The following STPG2 variants were observed in gnomAD, a reference collection of about 807,000 sequenced individuals.
STPG2 encodes the protein sperm-tail PG-rich repeat-containing protein 2.
In STPG2, 56 loss-of-function variants were observed where a neutral mutation model predicts 54.2. The ratio of observed to expected loss-of-function variants is 1.03; its 90% confidence interval spans 0.83 to 1.29. STPG2 has a LOEUF of 1.29. Ranked by LOEUF, STPG2 falls within the 50% of genes most tolerant of loss-of-function variation. The pLI is 0.00. For synonymous variants in STPG2, 200 were observed against 181.8 expected (o/e 1.10, Z -0.81); for missense variants, 596 against 544.9 (o/e 1.09, Z -0.93).
intron 10 of STPG2, among the ~76,000 whole-genome samples, chr4:97,559,414 C>G (rs1410781372): frequency 6.6e-6 from 1 of 152,122 alleles, no homozygotes; most frequent in African/African-American, 2.4e-5. Flanking sequence ...TGTCTAGGCC[C>G]ACACATGTAG....
intron 9 of STPG2, among the ~76,000 whole-genome samples, chr4:97,787,258 G>C (rs1004258202): frequency 1.3e-5 from 2 of 152,068 alleles, no homozygotes; most frequent in Non-Finnish European, 2.9e-5. Context: ...AATGGTGAGA[G>C]TGGGCATTCC....
chr4:97,889,519 T>C (rs1465122521), intron 8 of STPG2, among the ~76,000 whole-genome samples: 1 of 152,168 alleles, frequency 6.6e-6, no homozygotes, highest in South Asian at 2.1e-4. Flanking sequence ...CACAGAAACA[T>C]GGATGAATCT....
chr4:98,047,408 C>G (rs1312299393), intron 5 of STPG2, among the ~76,000 whole-genome samples: 1 of 152,118 alleles, frequency 6.6e-6, no homozygotes, highest in Non-Finnish European at 1.5e-5. Context: ...AAGTTAGAAA[C>G]CTGACCCACA....
intron 5 of STPG2, among the ~76,000 whole-genome samples, chr4:98,028,649 A>G (rs1326085470): frequency 1.3e-5 from 2 of 152,202 alleles, no homozygotes; most frequent in East Asian, 3.9e-4. Flanking sequence ...ACCTCATTTA[A>G]TAGTTCCTTG....
At chr4:97,802,477 T>C (rs1371990000) in intron 9 of STPG2, among the ~76,000 whole-genome samples, 1 of 152,028 alleles carries the variant, frequency 6.6e-6, no homozygotes, top group East Asian at 1.9e-4. Context: ...TGAAGTTAAA[T>C]ATATATATTT....
intron 4 of STPG2, among the ~76,000 whole-genome samples, chr4:97,481,669 A>G (rs534581245): frequency 5.3e-5 from 8 of 151,764 alleles, no homozygotes; most frequent in African/African-American, 1.9e-4. Context: ...ATTTAGAAAC[A>G]CTATTAATTT....
intron 9 of STPG2, among the ~76,000 whole-genome samples, chr4:97,721,100 C>A (rs1052065167): frequency 3.9e-5 from 6 of 152,036 alleles, no homozygotes; most frequent in Non-Finnish European, 8.8e-5. Flanking sequence ...TTAGAAAAAT[C>A]TTTCAACTGC....
At chr4:97,873,409 GTTC>G (rs1435591818) in intron 8 of STPG2, among the ~76,000 whole-genome samples, 3 of 151,332 alleles carry the variant, frequency 2.0e-5, no homozygotes, top group Non-Finnish European at 4.4e-5. Context: ...TTTGTTTATA[GTTC>G]TTTTTTATTT....
intron 4 of STPG2, among the ~76,000 whole-genome samples, chr4:97,480,302 T>C (rs916346228): frequency 1.3e-5 from 2 of 151,660 alleles, no homozygotes; most frequent in Non-Finnish European, 1.5e-5. Flanking sequence ...TTTAAAAGTC[T>C]TTCCGGTTTA....
Position 97,751,909 on chromosome 4 carries a change from A to C in STPG2, c.1205-39095T>G, listed in dbSNP as rs560575913. ...TCTTAGGGTCTCTTTCTAGGCATACACATAACCATCTTCCCACATTGGATC... is the reference window on the plus strand; with the variant it reads ...TCTTAGGGTCTCTTTCTAGGCATACCCATAACCATCTTCCCACATTGGATC... On this transcript the variant is annotated intron_variant, in intron 9 of 10. Transcript: ENST00000295268. 6.4e-3 allele frequency among the ~76,000 whole-genome samples: 977 copies of C among 151,764 alleles called. 5 individuals carry two copies. The highest frequency in any genetic ancestry group is 9.6e-3 in the Non-Finnish European group (647 of 67,710).
intron 10 of STPG2, among the ~76,000 whole-genome samples, chr4:97,658,677 G>A (rs1398032374): frequency 2.0e-5 from 3 of 152,168 alleles, no homozygotes; most frequent in African/African-American, 7.2e-5. Flanking sequence ...AGAGGATGTG[G>A]ACATGAGTGG....
chr4:97,697,813 AT>A (rs1462005684), intron 10 of STPG2, among the ~76,000 whole-genome samples: 1 of 152,196 alleles, frequency 6.6e-6, no homozygotes, highest in Non-Finnish European at 1.5e-5. Context: ...ACCACAAGCA[AT>A]TGCATGAGTT....
At chr4:97,610,267 G>A (rs1228863720) in intron 10 of STPG2, among the ~76,000 whole-genome samples, 1 of 151,966 alleles carries the variant, frequency 6.6e-6, no homozygotes, top group African/African-American at 2.4e-5. Context: ...TTAGAAAGAA[G>A]GAAATAAATT....
At chr4:97,662,140 G>A (rs1482147555) in intron 10 of STPG2, among the ~76,000 whole-genome samples, 1 of 152,014 alleles carries the variant, frequency 6.6e-6, no homozygotes, top group Non-Finnish European at 1.5e-5. Flanking sequence ...ATCTGTCAAG[G>A]TCTAATATCC....
Position 97,830,040 on chromosome 4 carries a change from C to A in STPG2, c.1204+10733G>T, listed in dbSNP as rs191323950. ...TACAGAGAACACCACAAAGATACTA[C>A]TCGAGAAGAGAAACCCCAAGACACA... On this transcript the variant is annotated intron_variant, in intron 9 of 10. Coordinates refer to ENST00000295268, the MANE Select transcript of STPG2 (RefSeq NM_174952.3). 2.2e-4 allele frequency among the ~76,000 whole-genome samples: 34 copies of A among 152,194 alleles called. No homozygotes were observed. The East Asian group carries it at 6.0e-3, about 27-fold the overall frequency.
intron 8 of STPG2, among the ~76,000 whole-genome samples, chr4:97,924,604 T>C (rs1281305802): frequency 6.6e-6 from 1 of 152,238 alleles, no homozygotes; most frequent in Non-Finnish European, 1.5e-5. Context: ...ATATGAGTTC[T>C]TAAATGTTTA....
chr4:97,503,777 A>G (rs1043694787), intron 4 of STPG2, among the ~76,000 whole-genome samples: 1 of 146,182 alleles, frequency 6.8e-6, no homozygotes, highest in Non-Finnish European at 1.5e-5. Context: ...TTAAAAATAT[A>G]TTTTCATATT....
intron 10 of STPG2, among the ~76,000 whole-genome samples, chr4:97,655,650 G>C (rs1722200670): frequency 6.6e-6 from 1 of 150,720 alleles, no homozygotes; most frequent in Non-Finnish European, 1.5e-5. Flanking sequence ...CACCAAACAA[G>C]AGATTTGAAG....
intron 9 of STPG2, among the ~76,000 whole-genome samples, chr4:97,783,173 T>C (rs1360189967): frequency 1.3e-5 from 2 of 152,222 alleles, no homozygotes; most frequent in Non-Finnish European, 1.5e-5. Context: ...ATTTTTGCAA[T>C]CTACTCATCT....
Sources: gnomAD v4.1 joint callset for allele counts (sites outside exome capture counted in the v4.1 genomes callset) on GRCh38, gnomAD v4.1.1 for gene constraint, MANE v1.5 for transcripts, NCBI Gene and HGNC (gene_info 2026-07-23, HGNC 2026-07-21) for gene names.